Variants in CPEB3 observed in about 807,000 individuals in gnomAD.
The protein encoded by CPEB3 is cytoplasmic polyadenylation element binding protein 3, also known as cytoplasmic polyadenylation element-binding protein 3.
In CPEB3, 20 loss-of-function variants were observed where a neutral mutation model predicts 67.2. The ratio of observed to expected loss-of-function variants is 0.30; its 90% CI spans 0.21 to 0.43. The LOEUF is 0.43. Among genes scored for constraint, CPEB3 ranks in the 20% least tolerant of loss-of-function variants. The probability of loss-of-function intolerance (pLI) is 1.00; values close to 1 mark genes in which losing one functional copy is unlikely to be tolerated. For synonymous variants in CPEB3, 376 were observed against 393.1 expected (o/e 0.96, Z 0.51); for missense variants, 746 against 968.6 (o/e 0.77, Z 3.05).
At chr10:92,197,555 C>T (rs1040937017) in intron 2 of CPEB3, among the ~76,000 whole-genome samples, 2 of 152,130 alleles carry the variant, frequency 1.3e-5, no homozygotes, top group Non-Finnish European at 2.9e-5. Context: ...AGCAAACACA[C>T]CAAGAAGTAT....
At chr10:92,058,984 ACAATGG>A (rs903759752) in intron 9 of CPEB3, among the ~76,000 whole-genome samples, 2 of 152,202 alleles carry the variant, frequency 1.3e-5, no homozygotes, top group African/African-American at 4.8e-5. Context: ...TTCTGTAACC[ACAATGG>A]AATAAAACTG....
At chr10:92,136,583 C>T (rs754719684) in intron 6 of CPEB3, among the ~76,000 whole-genome samples, 57 of 151,796 alleles carry the variant, frequency 3.8e-4, no homozygotes, top group African/African-American at 1.3e-3. Flanking sequence ...TTTTCTAAGG[C>T]GGAGTCTTGC....
intron 6 of CPEB3, among the ~76,000 whole-genome samples, chr10:92,133,416 TAGA>T (rs1408253420): frequency 1.3e-5 from 2 of 152,148 alleles, no homozygotes; most frequent in Non-Finnish European, 2.9e-5. Context: ...CTAGAAAATG[TAGA>T]AGAAATGGGT....
At chr10:92,264,190 T>C (rs931932474) in intron 1 of CPEB3, among the ~76,000 whole-genome samples, 1 of 151,964 alleles carries the variant, frequency 6.6e-6, no homozygotes, top group African/African-American at 2.4e-5. Context: ...TAGCTGGGCA[T>C]GGTGGTGCAT....
chr10:92,178,237 C>T lies in CPEB3; in HGVS notation c.1222+2726G>A, dbSNP rs1209300553. 4.6e-5 allele frequency among the ~76,000 whole-genome samples: 7 copies of T among 151,510 alleles called. No individual in the cohort carries two copies. The East Asian group carries it at 1.2e-3, about 25-fold the overall frequency. ...GCAGTGGCGTGATCTCGGCTCACTG[C>T]AACCTCTGCCTCCTGGGTTCAGGCG... On this transcript the variant is annotated intron_variant, in intron 4 of 9. Transcript: ENST00000265997.
At chr10:92,090,487 A>G (rs1001611964) in intron 8 of CPEB3, among the ~76,000 whole-genome samples, 8 of 152,224 alleles carry the variant, frequency 5.3e-5, no homozygotes, top group Non-Finnish European at 8.8e-5. Context: ...GGTTGCAGTG[A>G]GCCGAGATCA....
At chr10:92,271,833 C>T (rs1204609702) in intron 1 of CPEB3, among the ~76,000 whole-genome samples, 1 of 152,146 alleles carries the variant, frequency 6.6e-6, no homozygotes, top group Non-Finnish European at 1.5e-5. Context: ...TTTTAGCATC[C>T]ATTAATGATT....
At chr10:92,130,655 CTTT>C (rs35187694) in intron 6 of CPEB3, among the ~76,000 whole-genome samples, 17 of 135,196 alleles carry the variant, frequency 1.3e-4, no homozygotes, top group Non-Finnish European at 1.8e-4. Flanking sequence ...CCCTATGTGG[CTTT>C]TTTTTTTTTT....
intron 9 of CPEB3, among the ~76,000 whole-genome samples, chr10:92,080,556 A>C (rs1369907633): frequency 6.6e-6 from 1 of 151,906 alleles, no homozygotes; most frequent in Non-Finnish European, 1.5e-5. Flanking sequence ...AAAAGCAGCT[A>C]TTTGACTCCA....
chr10:92,151,808 T>C (rs898498822), intron 4 of CPEB3, among the ~76,000 whole-genome samples: 1 of 152,154 alleles, frequency 6.6e-6, no homozygotes, highest in African/African-American at 2.4e-5. Flanking sequence ...CCTGACACCA[T>C]CTGTTAAACA....
chr10:92,224,849 T>TA (rs1453272956), intron 2 of CPEB3, among the ~76,000 whole-genome samples: 13 of 147,228 alleles, frequency 8.8e-5, no homozygotes, highest in East Asian at 3.9e-4. Flanking sequence ...ACCTGACTTC[T>TA]TAAAAAAAAC....
At chr10:92,224,216 T>C (rs1294122402) in intron 2 of CPEB3, among the ~76,000 whole-genome samples, 1 of 152,170 alleles carries the variant, frequency 6.6e-6, no homozygotes, top group Non-Finnish European at 1.5e-5. Context: ...CTTAAATCTG[T>C]CCCTTCCTTT....
chr10:92,126,670 T>C (rs770996274), intron 6 of CPEB3, among the ~76,000 whole-genome samples: 27 of 152,230 alleles, frequency 1.8e-4, no homozygotes, highest in Non-Finnish European at 3.4e-4. Flanking sequence ...TCAGATTATA[T>C]AGCTTAAACC....
rs564574581 is a variant in CPEB3 at position 92,258,734 on chromosome 10, T to C, written c.-11-18373A>G. ...AAAATGTTCACTAGATCAGATATTT[T>C]TATATAAATTTTTTCTTTTTTAAAC... On this transcript the variant is annotated intron_variant, in intron 1 of 9. Coordinates refer to ENST00000265997, the MANE Select transcript of CPEB3 (RefSeq NM_014912.5). 3.9e-3 allele frequency among the ~76,000 whole-genome samples: 514 copies of C among 130,558 alleles called. 3 individuals are homozygous for C. The highest frequency in any genetic ancestry group is 5.9e-3 in the Non-Finnish European group (373 of 63,244). The allele number at this position is 130,558 out of a possible 152,430, so 85.7% of individuals were successfully genotyped here. A position where few individuals can be genotyped will look rare whatever the true frequency, so the allele number is the denominator to read the frequency against.
intron 9 of CPEB3, among the ~76,000 whole-genome samples, chr10:92,075,500 A>C (rs369780628): frequency 6.6e-6 from 1 of 152,188 alleles, no homozygotes; most frequent in East Asian, 1.9e-4. Context: ...TATACGAAAA[A>C]ACATGTAATT....
chr10:92,231,604 G>A (rs552018410), intron 2 of CPEB3, among the ~76,000 whole-genome samples: 1 of 152,244 alleles, frequency 6.6e-6, no homozygotes, highest in East Asian at 1.9e-4. Flanking sequence ...ACAGAGCCAA[G>A]GCTTTAACCA....
intron 1 of CPEB3, among the ~76,000 whole-genome samples, chr10:92,258,584 T>A: frequency 7.1e-6 from 1 of 139,942 alleles, no homozygotes; most frequent in Non-Finnish European, 1.5e-5. Context: ...ATGAGTAGCC[T>A]TCATCTATGT....
chr10:92,206,978 C>A (rs1402184523), intron 2 of CPEB3, among the ~76,000 whole-genome samples: 1 of 151,912 alleles, frequency 6.6e-6, no homozygotes, highest in East Asian at 1.9e-4. Flanking sequence ...AGAAGGTACA[C>A]TTCTTTTTTC....
intron 6 of CPEB3, among the ~76,000 whole-genome samples, chr10:92,129,679 T>C (rs1845754310): frequency 6.6e-6 from 1 of 152,088 alleles, no homozygotes; most frequent in Admixed American, 6.6e-5. Flanking sequence ...TCATATCTAC[T>C]CTCTCTGGGA....
Sources: gnomAD v4.1 joint callset for allele counts (sites outside exome capture counted in the v4.1 genomes callset) on GRCh38, gnomAD v4.1.1 for gene constraint, MANE v1.5 for transcripts, NCBI Gene and HGNC (gene_info 2026-07-23, HGNC 2026-07-21) for gene names.